ADCY2: variants seen among roughly 807,000 people sequenced by gnomAD.
ADCY2 encodes adenylate cyclase type 2.
ADCY2 carries 31 observed loss-of-function variants against 125.2 expected under a neutral mutation model. That is an observed-to-expected ratio of 0.25 (90% confidence interval 0.19 to 0.33). ADCY2 has a LOEUF of 0.33. Ranked by LOEUF, ADCY2 falls within the 10% of genes least tolerant of loss-of-function variation. ADCY2 has a pLI of 1.00. For missense variants in ADCY2, 904 were observed against 1,418.2 expected (o/e 0.64, Z 5.82); for synonymous variants, 512 against 548.4 (o/e 0.93, Z 0.93).
intron 3 of ADCY2, among the ~76,000 whole-genome samples, chr5:7,603,791 T>G (rs1737304656): frequency 1.5e-5 from 2 of 137,010 alleles, no homozygotes; most frequent in African/African-American, 6.2e-5. Flanking sequence ...TTTCTTTTTT[T>G]TTTTTTTTTT....
chr5:7,676,789 G>A (rs1401279395), intron 4 of ADCY2, among the ~76,000 whole-genome samples: 1 of 152,192 alleles, frequency 6.6e-6, no homozygotes, highest in African/African-American at 2.4e-5. Context: ...TTTCAGTCCA[G>A]CCTTGGCCAT....
intron 4 of ADCY2, among the ~76,000 whole-genome samples, chr5:7,629,132 T>G (rs1252876061): frequency 1.3e-5 from 2 of 152,228 alleles, no homozygotes; most frequent in Non-Finnish European, 2.9e-5. Context: ...TTTAGATAAA[T>G]AAATAGCATC....
At chr5:7,623,254 A>T (rs1188891040) in intron 3 of ADCY2, among the ~76,000 whole-genome samples, 1 of 152,166 alleles carries the variant, frequency 6.6e-6, no homozygotes, top group Non-Finnish European at 1.5e-5. Context: ...GAGGAAGAGA[A>T]AAAGCTCTCA....
chr5:7,684,308 G>T (rs1740440020), intron 4 of ADCY2, among the ~76,000 whole-genome samples: 1 of 152,180 alleles, frequency 6.6e-6, no homozygotes. Context: ...GCCACAAGGT[G>T]CCCTGTGCCT....
At chr5:7,427,970 A>G (rs1740447568) in intron 2 of ADCY2, among the ~76,000 whole-genome samples, 1 of 152,192 alleles carries the variant, frequency 6.6e-6, no homozygotes, top group South Asian at 2.1e-4. Context: ...TTAAAAAATT[A>G]TTAAGCATTT....
At position 7,648,764 on chromosome 5, in the gene ADCY2, G is replaced by A. The variant is rs142786401; in HGVS notation, c.720+22448G>A. Among the ~76,000 whole-genome samples, 63 of 152,164 alleles carry A rather than the reference G, an allele frequency of 4.1e-4. 2 individuals carry two copies. The highest frequency in any genetic ancestry group is 3.7e-3 in the Admixed American group (56 of 15,282). ...AATATGATTTTGATAAGCAAAAAAG[G>A]CATTATTTTAAATTTGTGAAGTGAG... On this transcript the variant is annotated intron_variant, in intron 4 of 24. Coordinates refer to ENST00000338316, the MANE Select transcript of ADCY2 (RefSeq NM_020546.3).
At chr5:7,761,316 A>C (rs1017035205) in intron 16 of ADCY2, among the ~76,000 whole-genome samples, 1 of 151,008 alleles carries the variant, frequency 6.6e-6, no homozygotes, top group Non-Finnish European at 1.5e-5. Context: ...CGCCCACCTA[A>C]TTTTTGTATT....
chr5:7,647,168 C>A (rs955045570), intron 4 of ADCY2, among the ~76,000 whole-genome samples: 3 of 152,196 alleles, frequency 2.0e-5, no homozygotes, highest in Non-Finnish European at 4.4e-5. Context: ...CCTTTCAGCT[C>A]TGCCTGATAT....
At chr5:7,798,381 C>T (rs76750478) in intron 20 of ADCY2, 2,888 of 152,188 alleles carry the variant, frequency 0.019, 108 homozygotes, top group African/African-American at 0.066. Context: ...TGTCCTGCCT[C>T]GCAGCCTCTT....
chr5:7,705,857 A>C (rs898341734), intron 7 of ADCY2, among the ~76,000 whole-genome samples: 1 of 152,216 alleles, frequency 6.6e-6, no homozygotes, highest in Non-Finnish European at 1.5e-5. Flanking sequence ...CATTTTTAGC[A>C]TGCTAAAATG....
chr5:7,624,863 C>T (rs1738070900), intron 3 of ADCY2, among the ~76,000 whole-genome samples: 1 of 152,050 alleles, frequency 6.6e-6, no homozygotes, highest in African/African-American at 2.4e-5. Context: ...GGTGGGAATA[C>T]AAGTCATGTG....
chr5:7,502,241 C>G (rs1189607874), intron 2 of ADCY2, among the ~76,000 whole-genome samples: 1 of 152,208 alleles, frequency 6.6e-6, no homozygotes, highest in African/African-American at 2.4e-5. Flanking sequence ...CCTAAGCACA[C>G]TATGCTATTT....
At chr5:7,679,301 C>T (rs7706710) in intron 4 of ADCY2, among the ~76,000 whole-genome samples, 70,245 of 151,984 alleles carry the variant, frequency 0.46, 16,861 homozygotes, top group East Asian at 0.83. Context: ...GGGTCTGAGG[C>T]TGCAGGGTCA....
chr5:7,633,125 TAA>T lies in ADCY2; in HGVS notation c.720+6821_720+6822del, dbSNP rs769107311. On this transcript the variant is annotated intron_variant, in intron 4 of 24. Transcript: ENST00000338316. ...ACATTAGCAACTATTTGTTCATTCT[TAA>T]AAAAAAAAAAATGGACATTTTGGCA... 4.2e-3 allele frequency among the ~76,000 whole-genome samples: 612 copies of T among 144,754 alleles called. 4 individuals carry two copies. Among genetic ancestry groups the T allele is most frequent in the African/African-American group, 0.014 (575 of 39,892 alleles). 95.0% of individuals were successfully genotyped at this position (144,754 alleles called of 152,430 possible).
At chr5:7,739,843 A>G (rs191870297) in intron 14 of ADCY2, among the ~76,000 whole-genome samples, 1 of 151,990 alleles carries the variant, frequency 6.6e-6, no homozygotes, top group Non-Finnish European at 1.5e-5. Flanking sequence ...TCTTGAAAAG[A>G]CTATTTACCA....
chr5:7,502,943 A>C (rs17826395), intron 2 of ADCY2, among the ~76,000 whole-genome samples: 24,017 of 152,106 alleles, frequency 0.16, 2,418 homozygotes, highest in Non-Finnish European at 0.23. Flanking sequence ...TGATATGATA[A>C]AACTGTTGTC....
chr5:7,713,152 T>G lies in ADCY2; in HGVS notation c.1622+253T>G, dbSNP rs539391295. 1.6e-3 allele frequency among the ~76,000 whole-genome samples: 239 copies of G among 152,246 alleles called. 2 individuals carry two copies. Among genetic ancestry groups the G allele is most frequent in the Non-Finnish European group, 1.4e-3 (95 of 68,010 alleles). ...TTAAACTGTTTTCCTAAAGAGACTC[T>G]TCTTAATATTAATGTGTGGTAAAAA... On this transcript the variant is annotated intron_variant, in intron 11 of 24. Coordinates refer to ENST00000338316, the MANE Select transcript of ADCY2 (RefSeq NM_020546.3).
chr5:7,463,327 G>A (rs903486744), intron 2 of ADCY2, among the ~76,000 whole-genome samples: 10 of 152,150 alleles, frequency 6.6e-5, no homozygotes, highest in African/African-American at 2.4e-4. Context: ...CAGTCATGAA[G>A]AGGACAAAAA....
intron 4 of ADCY2, among the ~76,000 whole-genome samples, chr5:7,681,506 A>T (rs1182262331): frequency 6.6e-6 from 1 of 152,194 alleles, no homozygotes; most frequent in East Asian, 1.9e-4. Context: ...CAGAAAATGT[A>T]TGTGACCGCT....
Sources: allele counts gnomAD v4.1 joint callset (sites outside exome capture counted in the v4.1 genomes callset), GRCh38; gene constraint gnomAD v4.1.1; transcripts MANE v1.5; gene names NCBI Gene and HGNC (gene_info 2026-07-23, HGNC 2026-07-21).